The following F10 variants were observed in gnomAD, a reference collection of about 807,000 sequenced individuals.
F10 encodes the protein Stuart-Prower factor.
Under a neutral mutation model 37.1 loss-of-function variants are expected in F10, and 29 were observed. That is an observed-to-expected ratio of 0.78 (90% CI 0.58 to 1.07). F10 has a LOEUF of 1.07. Among genes scored for constraint, F10 ranks in the 50% least tolerant of loss-of-function variants. The pLI is 0.00. For synonymous variants in F10, 262 were observed against 268.6 expected, an observed-to-expected ratio of 0.98 and a Z score of 0.24; for missense variants, 539 against 667.9, an observed-to-expected ratio of 0.81 and a Z score of 2.13.
intron 1 of F10, among the ~76,000 whole-genome samples, chr13:113,127,327 G>A (rs2036379953): frequency 6.6e-6 from 1 of 152,230 alleles, no homozygotes; most frequent in Non-Finnish European, 1.5e-5. Flanking sequence ...GTCATAGTGA[G>A]AGAGCTGAAA....
intron 5 of F10, among the ~76,000 whole-genome samples, chr13:113,142,266 G>A (rs189973664): frequency 2.8e-4 from 42 of 152,284 alleles, no homozygotes; most frequent in African/African-American, 9.1e-4. Flanking sequence ...TGTGGGCCGG[G>A]TGCAGTAGCT....
chr13:113,137,748 C>T (rs971020816), intron 2 of F10, among the ~76,000 whole-genome samples: 2 of 152,128 alleles, frequency 1.3e-5, no homozygotes, highest in Non-Finnish European at 2.9e-5. Flanking sequence ...CCTGTCTCTG[C>T]TTTCATCTTC....
rs543161817 is a variant in F10, at chr13:113,129,872, C to T, written c.231+260C>T. On this transcript the variant is annotated intron_variant, in intron 2 of 7. Coordinates refer to ENST00000375559, the MANE Select transcript of F10 (RefSeq NM_000504.4). Reference sequence around the variant, plus strand: ...CCCAAGTCCCTTGAGGGTCACAGGGCTTCTGCCAGAGTTAAGTTCTATTTA... The same window carrying T: ...CCCAAGTCCCTTGAGGGTCACAGGGTTTCTGCCAGAGTTAAGTTCTATTTA... The T allele has an allele frequency of 7.5e-6, 4 of 535,360 alleles. 1 individual carries two copies. The highest frequency in any genetic ancestry group is 1.4e-5 in the Non-Finnish European group (4 of 296,238). The allele number at this position is 535,360 out of a possible 1,614,324, so 33.2% of individuals were successfully genotyped here.
intron 2 of F10, among the ~76,000 whole-genome samples, 153 bp from the exon 3 acceptor site, chr13:113,138,304 T>C (rs1403227243): frequency 1.3e-5 from 2 of 152,240 alleles, no homozygotes; most frequent in Non-Finnish European, 2.9e-5. Flanking sequence ...CTTTCCTCTT[T>C]AGATTGAATA....
chr13:113,141,695 C>T lies in F10; in HGVS notation c.502+645C>T, dbSNP rs375106393. Among the ~76,000 whole-genome samples, 22 of 152,308 alleles carry T rather than the reference C, an allele frequency of 1.4e-4. No individual in the cohort carries two copies. The South Asian group carries it at 1.9e-3, about 13-fold the overall frequency. ...GCCTACGCTGGGCTTGCCTGGCTGC[C>T]GGCACTTCCACACGGCCAGCACACA... On this transcript the variant is annotated intron_variant, in intron 5 of 7. Coordinates refer to ENST00000375559, the MANE Select transcript of F10 (RefSeq NM_000504.4). The surrounding 1 kb of genome is among the most constrained non-coding windows in gnomAD (Gnocchi z 5.4).
chr13:113,144,171 ACACTT>A lies in F10; in HGVS notation c.747+77_747+81del. ...TGTGCACCTCGGGGAGGCCAGCCTGACACTTGGAATAGCAATCCGGGAAGGAACTG... is the reference window on the plus strand; with the variant it reads ...TGTGCACCTCGGGGAGGCCAGCCTGAGGAATAGCAATCCGGGAAGGAACTG... On this transcript the variant is annotated intron_variant, in intron 6 of 7. Coordinates refer to ENST00000375559, the MANE Select transcript of F10 (RefSeq NM_000504.4). This position sits in a 1 kb window ranked among gnomAD's most constrained non-coding sequence, Gnocchi z 6.4. The A allele has an allele frequency of 6.2e-7, 1 of 1,602,114 alleles. No individual in the cohort carries two copies. The highest frequency in any genetic ancestry group is 8.5e-7 in the Non-Finnish European group (1 of 1,175,300).
chr13:113,137,005 G>A (rs1482917223), intron 2 of F10, among the ~76,000 whole-genome samples: 19 of 150,966 alleles, frequency 1.3e-4, no homozygotes, highest in African/African-American at 3.2e-4. Flanking sequence ...GGCTGGTCTC[G>A]AACTCCTGAC....
chr13:113,123,321 G>A (rs1172272535), intron 1 of F10, among the ~76,000 whole-genome samples: 1 of 152,216 alleles, frequency 6.6e-6, no homozygotes, highest in Non-Finnish European at 1.5e-5. Flanking sequence ...TGCCACCACA[G>A]GGAGGCACAG....
intron 2 of F10, among the ~76,000 whole-genome samples, chr13:113,134,050 A>T (rs2036457112): frequency 6.6e-6 from 1 of 152,220 alleles, no homozygotes; most frequent in Non-Finnish European, 1.5e-5. Context: ...GTTCATCTAC[A>T]AAGAGTCTAC....
rs1178095148 is a variant in F10, at chr13:113,144,720, CT to C, written c.747+631del. ...TAAAAAAGAAAATCACTCTTTGAGG[CT>C]TTTTTGTTAAGAGACAGTACCTTGC... On this transcript the variant is annotated intron_variant, in intron 6 of 7. Coordinates refer to ENST00000375559, the MANE Select transcript of F10 (RefSeq NM_000504.4). The surrounding 1 kb of genome is among the most constrained non-coding windows in gnomAD (Gnocchi z 6.4). Among the ~76,000 whole-genome samples the C allele has an allele frequency of 6.6e-6, 1 of 152,158 alleles. No homozygotes were observed. Among genetic ancestry groups the C allele is most frequent in the East Asian group, 1.9e-4 (1 of 5,186 alleles).
chr13:113,148,933 C>A lies in F10; in HGVS notation c.883C>A (p.Gln295Lys), dbSNP rs753597079. The A allele has an allele frequency of 1.9e-6, 3 of 1,613,472 alleles. No individual in the cohort carries two copies. The Admixed American group carries it at 5.0e-5, about 27-fold the overall frequency. The change falls in exon 8 of 8, where the codon CAG becomes AAG. Residue 295 changes from glutamine to lysine, a missense_variant. Physicochemically the swap from Gln to Lys is moderately conservative, Grantham distance 53 (BLOSUM62 1). Around this residue, in one of 2 missense-constraint regions of F10, gnomAD observed 409 missense variants for 547.9 expected, o/e 0.75. Coordinates refer to ENST00000375559, the MANE Select transcript of F10 (RefSeq NM_000504.4). Reference sequence around the variant, plus strand: ...TGTCCCAGGGGACCGGAACACGGAGCAGGAGGAGGGCGGTGAGGCGGTGCA... The same window carrying A: ...TGTCCCAGGGGACCGGAACACGGAGAAGGAGGAGGGCGGTGAGGCGGTGCA... ...KVRVGDRNTE[Q>K]EEGGEAVHEV... is the part of the protein sequence containing the mutation.
rs768120369 is a variant in F10, at chr13:113,147,433, G to A, written c.802G>A (p.Glu268Lys). Residue 268 changes from glutamate (E) to lysine (K), a missense_variant, in exon 7 of 8, where the codon GAG becomes AAG. Physicochemically the swap from Glu to Lys is moderately conservative, Grantham distance 56. Transcript: ENST00000375559. ...TTTCTGTGGTGGAACCATTCTGAGC[G>A]AGTTCTACATCCTAACGGCAGCCCA... ...EGFCGGTILS[E>K]FYILTAAHCL... The A allele has an allele frequency of 1.3e-5, 21 of 1,613,866 alleles. No individual in the cohort carries two copies. The highest frequency in any genetic ancestry group is 1.7e-5 in the Non-Finnish European group (20 of 1,179,874).
At chr13:113,130,287 C>T (rs45577131) in intron 2 of F10, 27 of 155,126 alleles carry the variant, frequency 1.7e-4, no homozygotes, top group Non-Finnish European at 2.7e-4. Flanking sequence ...GCCACCAGGC[C>T]GCGATTGCGC....
At position 113,144,895 on chromosome 13, in the gene F10, T is replaced by C. The variant is rs965394577; in HGVS notation, c.747+800T>C. Among the ~76,000 whole-genome samples, 4 of 138,754 alleles carry C rather than the reference T, an allele frequency of 2.9e-5. No homozygotes were observed. The highest frequency in any genetic ancestry group is 6.3e-5 in the Non-Finnish European group (4 of 63,270). 91.0% of individuals were successfully genotyped at this position (138,754 alleles called of 152,430 possible). On this transcript the variant is annotated intron_variant, in intron 6 of 7. Coordinates refer to ENST00000375559, the MANE Select transcript of F10 (RefSeq NM_000504.4). This position sits in a 1 kb window ranked among gnomAD's most constrained non-coding sequence, Gnocchi z 6.4. ...ACGCCTGGCTAATTTTTTTTTTTTT[T>C]TGAGACGGAGTCTCACTCTGTCGCC...
chr13:113,140,254 T>A lies in F10; in HGVS notation c.371-665T>A, dbSNP rs1217834288. ...AGTCCCGGCTAATTTTTTTTTTTTTTAATTTTTTAGTGGAGACGGGGTTTC... is the reference window on the plus strand; with the variant it reads ...AGTCCCGGCTAATTTTTTTTTTTTTAAATTTTTTAGTGGAGACGGGGTTTC... On this transcript the variant is annotated intron_variant, in intron 4 of 7. Coordinates refer to ENST00000375559, the MANE Select transcript of F10 (RefSeq NM_000504.4). Among the ~76,000 whole-genome samples, 9 of 151,716 alleles carry A rather than the reference T, an allele frequency of 5.9e-5. No homozygotes were observed. In the East Asian group the frequency reaches 7.7e-4, roughly 13 times the overall value.
chr13:113,144,100 C>T lies in F10; in HGVS notation c.747+5C>T, dbSNP rs763200922. 9.9e-6 allele frequency: 16 copies of T among 1,613,656 alleles called. No homozygotes were observed. The South Asian group carries it at 1.4e-4, about 14-fold the overall frequency. On this transcript the variant is annotated splice_donor_5th_base_variant and intron_variant, in intron 6 of 7. Transcript: ENST00000375559. The surrounding 1 kb of genome is among the most constrained non-coding windows in gnomAD (Gnocchi z 6.4). ...GACGGGGAGTGTCCCTGGCAGGTAA[C>T]AGTAGGATGTCCCCTCGGGCCTGCT...
At chr13:113,126,168 C>T (rs2036368302) in intron 1 of F10, among the ~76,000 whole-genome samples, 2 of 151,924 alleles carry the variant, frequency 1.3e-5, no homozygotes, top group Non-Finnish European at 2.9e-5. Flanking sequence ...ATGGGAAGAC[C>T]CTGGGCTCTG....
chr13:113,126,421 CG>C (rs1273236507), intron 1 of F10, among the ~76,000 whole-genome samples: 1 of 152,010 alleles, frequency 6.6e-6, no homozygotes, highest in Non-Finnish European at 1.5e-5. Context: ...TGGGGATGCT[CG>C]GGGGTGGATG....
chr13:113,122,820 C>T lies in F10; in HGVS notation c.-36C>T, dbSNP rs752683143. 6.2e-7 allele frequency: 1 copy of T among 1,606,110 alleles called. No individual in the cohort carries two copies. The highest frequency in any genetic ancestry group is 1.1e-5 in the South Asian group (1 of 91,076). On this transcript the variant is annotated 5_prime_UTR_variant, in exon 1 of 8. Coordinates refer to ENST00000375559, the MANE Select transcript of F10 (RefSeq NM_000504.4). The stretch of plus-strand genomic sequence containing the variant: ...CGTGGACTTTGCTCCAGCAGCCTGT[C>T]CCAGTGAGGACAGGGACACAGTACT...
Sources: gnomAD v4.1 joint callset for allele counts (sites outside exome capture counted in the v4.1 genomes callset) on GRCh38, gnomAD v4.1.1 for gene constraint, gnomAD v4.1.1 regional missense constraint, Gnocchi (gnomAD v3.1) non-coding constraint, MANE v1.5 for transcripts, NCBI Gene and HGNC (gene_info 2026-07-23, HGNC 2026-07-21) for gene names.